Variants in CADPS observed in about 807,000 individuals in gnomAD.
The protein encoded by CADPS is calcium-dependent secretion activator 1.
CADPS carries 57 observed loss-of-function variants against 167.3 expected under a neutral mutation model. The observed-to-expected ratio is 0.34, with a 90% CI of 0.28 to 0.42. The LOEUF is 0.42. CADPS is among the 20% of genes least tolerant of loss of function. CADPS has a pLI of 1.00. For synonymous variants in CADPS, 676 were observed against 635.3 expected (o/e 1.06, Z -0.96); for missense variants, 1,414 against 1,738.1 (o/e 0.81, Z 3.32).
intron 3 of CADPS, among the ~76,000 whole-genome samples, chr3:62,666,054 C>T (rs2074338940): frequency 6.6e-6 from 1 of 152,210 alleles, no homozygotes; most frequent in Admixed American, 6.5e-5. Flanking sequence ...GACAGTGTCC[C>T]TCACTGGCGT....
chr3:62,695,332 T>C (rs182125091), intron 3 of CADPS, among the ~76,000 whole-genome samples: 4 of 152,156 alleles, frequency 2.6e-5, no homozygotes, highest in Non-Finnish European at 5.9e-5. Context: ...CCCCCAAATA[T>C]ATTTATTTGA....
intron 28 of CADPS, among the ~76,000 whole-genome samples, chr3:62,425,679 C>T (rs891706588): frequency 6.6e-6 from 1 of 152,148 alleles, no homozygotes; most frequent in African/African-American, 2.4e-5. Flanking sequence ...ACCTACATGC[C>T]TAGATTGGAG....
At chr3:62,467,820 C>G (rs1170606654) in intron 24 of CADPS, among the ~76,000 whole-genome samples, 2 of 152,040 alleles carry the variant, frequency 1.3e-5, no homozygotes, top group Non-Finnish European at 2.9e-5. Flanking sequence ...TGTAGTCATG[C>G]CTTCAGACTC....
intron 5 of CADPS, among the ~76,000 whole-genome samples, chr3:62,650,324 G>T (rs1024366766): frequency 1.3e-5 from 2 of 152,148 alleles, no homozygotes; most frequent in Non-Finnish European, 2.9e-5. Flanking sequence ...AAGAAAATGT[G>T]TGAAGAGAAA....
chr3:62,707,950 A>T (rs1253329781), intron 3 of CADPS, among the ~76,000 whole-genome samples: 4 of 151,888 alleles, frequency 2.6e-5, no homozygotes, highest in Non-Finnish European at 5.9e-5. Context: ...TTGGAGACAG[A>T]GTCTCTACTC....
chr3:62,870,312 T>C (rs1185922529), intron 1 of CADPS, among the ~76,000 whole-genome samples: 2 of 152,166 alleles, frequency 1.3e-5, no homozygotes, highest in Non-Finnish European at 2.9e-5. Flanking sequence ...CTTAAGAATT[T>C]TGAGTAGACC....
At chr3:62,787,032 G>A (rs201971111) in intron 1 of CADPS, among the ~76,000 whole-genome samples, 1 of 152,052 alleles carries the variant, frequency 6.6e-6, no homozygotes, top group African/African-American at 2.4e-5. Flanking sequence ...AGTGGCTCAT[G>A]TCTGTAATCT....
At chr3:62,814,482 T>G (rs961666198) in intron 1 of CADPS, 2 of 152,172 alleles carry the variant, frequency 1.3e-5, no homozygotes, top group African/African-American at 4.8e-5. Flanking sequence ...GTGAAGCGGT[T>G]CATATAAAAA....
At chr3:62,633,444 G>C (rs1042801414) in intron 6 of CADPS, among the ~76,000 whole-genome samples, 34 of 152,050 alleles carry the variant, frequency 2.2e-4, no homozygotes, top group African/African-American at 8.0e-4. Context: ...TCCAGGTCCC[G>C]TGAGATCTGG....
intron 3 of CADPS, among the ~76,000 whole-genome samples, chr3:62,714,192 C>T (rs901294344): frequency 6.6e-5 from 10 of 152,130 alleles, no homozygotes; most frequent in African/African-American, 2.4e-4. Context: ...AGCAAGCAGA[C>T]AAGCAAGCAA....
chr3:62,758,499 G>C (rs2084561843), intron 2 of CADPS, among the ~76,000 whole-genome samples: 2 of 152,194 alleles, frequency 1.3e-5, no homozygotes, highest in Admixed American at 6.5e-5. Flanking sequence ...AGTGGGGCCT[G>C]GGCCAGCCTC....
intron 11 of CADPS, among the ~76,000 whole-genome samples, chr3:62,543,287 A>G (rs1020777105): frequency 6.6e-6 from 1 of 152,212 alleles, no homozygotes; most frequent in Non-Finnish European, 1.5e-5. Context: ...TGACAATATA[A>G]GAAGATATAG....
chr3:62,840,024 T>C (rs1289405337), intron 1 of CADPS, among the ~76,000 whole-genome samples: 1 of 152,142 alleles, frequency 6.6e-6, no homozygotes, highest in African/African-American at 2.4e-5. Flanking sequence ...TGAATTAAAC[T>C]GAGTAAGACA....
rs547234019 is a variant in CADPS at position 62,617,387 on chromosome 3, T to C, written c.1326-24639A>G. On this transcript the variant is annotated intron_variant, in intron 6 of 29. Coordinates refer to ENST00000383710, the MANE Select transcript of CADPS (RefSeq NM_003716.4). ...ATGAACAGAGTAAGTATATTGGAGA[T>C]GGGAAGTTGAAAGCAATTGTTACTG... is the stretch of plus-strand genomic sequence containing the variant. 2.0e-5 allele frequency among the ~76,000 whole-genome samples: 3 copies of C among 152,198 alleles called. No individual in the cohort carries two copies. The South Asian group carries it at 6.2e-4, about 32-fold the overall frequency.
intron 6 of CADPS, among the ~76,000 whole-genome samples, chr3:62,613,675 A>C: frequency 6.6e-6 from 1 of 152,224 alleles, no homozygotes; most frequent in East Asian, 1.9e-4. Context: ...TTATTGGCTA[A>C]TAATCAGTTT....
chr3:62,578,751 C>A (rs1243903363), intron 8 of CADPS, among the ~76,000 whole-genome samples: 2 of 152,090 alleles, frequency 1.3e-5, no homozygotes, highest in African/African-American at 4.8e-5. Context: ...TTGAGAGCTT[C>A]CTCTAAATAA....
At position 62,479,935 on chromosome 3, in the gene CADPS, G is replaced by A. The variant is rs1009712805; in HGVS notation, c.3174-1519C>T. On this transcript the variant is annotated intron_variant, in intron 22 of 29. Coordinates refer to ENST00000383710, the MANE Select transcript of CADPS (RefSeq NM_003716.4). ...CCCAACTTTGTCTAGTCTAAGCCCC[G>A]TTTTGGAACTGCATGGTTGTATGTT... Among the ~76,000 whole-genome samples the A allele has an allele frequency of 3.9e-5, 6 of 152,222 alleles. No homozygotes were observed. The East Asian group carries it at 5.8e-4, about 15-fold the overall frequency.
chr3:62,721,118 G>GTGTTTTTTTTTT (rs2075714630), intron 3 of CADPS, among the ~76,000 whole-genome samples: 1 of 120,354 alleles, frequency 8.3e-6, no homozygotes, highest in African/African-American at 3.4e-5. Flanking sequence ...TGCCCGGCAG[G>GTGTTTTTTTTTT]TTTTTTTTTT....
intron 3 of CADPS, among the ~76,000 whole-genome samples, chr3:62,683,799 AT>A (rs1450237469): frequency 6.6e-6 from 1 of 151,926 alleles, no homozygotes; most frequent in Non-Finnish European, 1.5e-5. Flanking sequence ...CTGGTCAGGT[AT>A]TTTGTGGAAT....
Sources: allele counts gnomAD v4.1 joint callset (sites outside exome capture counted in the v4.1 genomes callset), GRCh38; gene constraint gnomAD v4.1.1; transcripts MANE v1.5; gene names NCBI Gene and HGNC (gene_info 2026-07-23, HGNC 2026-07-21).